Variants in KCNB2 observed in about 807,000 individuals in gnomAD.
KCNB2 encodes potassium voltage-gated channel subfamily B member 2.
KCNB2 carries 15 observed loss-of-function variants against 61.5 expected under a neutral mutation model. The ratio of observed to expected loss-of-function variants is 0.24; its 90% confidence interval spans 0.16 to 0.38. KCNB2 has a LOEUF of 0.38. KCNB2 is among the 10% of genes least tolerant of loss of function. The pLI, the probability that KCNB2 is intolerant of heterozygous loss-of-function variation, is 1.00. For missense variants in KCNB2, 828 were observed against 1,125.2 expected (o/e 0.74, Z 3.78); for synonymous variants, 457 against 446.0 (o/e 1.02, Z -0.31).
intron 2 of KCNB2, among the ~76,000 whole-genome samples, chr8:72,887,452 G>T (rs1165708390): frequency 2.6e-5 from 4 of 152,150 alleles, no homozygotes; most frequent in Non-Finnish European, 5.9e-5. Context: ...GATTTTCTTG[G>T]ATGGCCCAAT....
intron 2 of KCNB2, among the ~76,000 whole-genome samples, chr8:72,917,465 T>C (rs1396827681): frequency 2.0e-5 from 3 of 152,184 alleles, no homozygotes; most frequent in Non-Finnish European, 4.4e-5. Context: ...GTTATTTTAT[T>C]GAAAATTAGA....
At chr8:72,911,037 T>C (rs1195242434) in intron 2 of KCNB2, among the ~76,000 whole-genome samples, 1 of 151,416 alleles carries the variant, frequency 6.6e-6, no homozygotes, top group Non-Finnish European at 1.5e-5. Flanking sequence ...AATGTGTTTA[T>C]TCTGTTCTCA....
At chr8:72,767,632 A>T (rs925079632) in intron 2 of KCNB2, among the ~76,000 whole-genome samples, 1 of 152,186 alleles carries the variant, frequency 6.6e-6, no homozygotes, top group Admixed American at 6.5e-5. Flanking sequence ...TCATCCATTG[A>T]TGGGCATTTG....
rs181433596 is a variant in KCNB2, at chr8:72,726,427, T to C, written c.579+158114T>C. ...AGACCAATATCTAAGAGTAGGAAAT[T>C]GGTTATATAAATGATAGTAAATACA... On this transcript the variant is annotated intron_variant, in intron 2 of 2. Transcript: ENST00000523207. Among the ~76,000 whole-genome samples the C allele has an allele frequency of 4.7e-3, 722 of 152,332 alleles. 3 individuals are homozygous for C. Among genetic ancestry groups the C allele is most frequent in the Non-Finnish European group, 8.0e-3 (547 of 68,026 alleles).
chr8:72,926,895 T>A (rs1303769257), intron 2 of KCNB2, among the ~76,000 whole-genome samples: 1 of 152,240 alleles, frequency 6.6e-6, no homozygotes, highest in Non-Finnish European at 1.5e-5. Flanking sequence ...CAGTAATCTT[T>A]GTGAAATGCA....
At chr8:72,835,137 C>A (rs1454825553) in intron 2 of KCNB2, among the ~76,000 whole-genome samples, 1 of 152,172 alleles carries the variant, frequency 6.6e-6, no homozygotes, top group Admixed American at 6.5e-5. Context: ...AGGACAAATT[C>A]TGACCAAAAC....
intron 2 of KCNB2, among the ~76,000 whole-genome samples, chr8:72,613,995 G>T (rs1490013837): frequency 6.6e-6 from 1 of 152,166 alleles, no homozygotes; most frequent in Non-Finnish European, 1.5e-5. Flanking sequence ...AAATGTGGAC[G>T]ATCTAAATTT....
At chr8:72,626,412 CAG>C (rs1232169704) in intron 2 of KCNB2, among the ~76,000 whole-genome samples, 2 of 152,194 alleles carry the variant, frequency 1.3e-5, no homozygotes, top group African/African-American at 4.8e-5. Context: ...CAATCACACT[CAG>C]AATATATTTG....
intron 2 of KCNB2, among the ~76,000 whole-genome samples, chr8:72,666,707 C>T (rs1177242042): frequency 6.8e-6 from 1 of 147,808 alleles, no homozygotes; most frequent in Non-Finnish European, 1.5e-5. Context: ...GGCTGGAGTG[C>T]AGTGGCGCAA....
At chr8:72,851,826 GAAAAAAA>G (rs55696554) in intron 2 of KCNB2, among the ~76,000 whole-genome samples, 10 of 43,868 alleles carry the variant, frequency 2.3e-4, no homozygotes, top group Admixed American at 1.7e-3. Flanking sequence ...GAAGCTGTAG[GAAAAAAA>G]AAAAAAAAAA....
chr8:72,661,302 A>C (rs1017603561), intron 2 of KCNB2: 1 of 152,214 alleles, frequency 6.6e-6, no homozygotes, highest in Non-Finnish European at 1.5e-5. Flanking sequence ...AGGCTGAGCC[A>C]CTGCGCCTTA....
chr8:72,914,549 T>C (rs2929573), intron 2 of KCNB2, among the ~76,000 whole-genome samples: 89,615 of 151,924 alleles, frequency 0.59, 27,710 homozygotes, highest in Middle Eastern at 0.7. Context: ...AGGTTCCATG[T>C]AGAATTTGGA....
At chr8:72,895,442 G>A (rs184788938) in intron 2 of KCNB2, among the ~76,000 whole-genome samples, 51 of 152,294 alleles carry the variant, frequency 3.3e-4, no homozygotes, top group African/African-American at 9.9e-4. Flanking sequence ...GCAAGGAAAT[G>A]GATTGTCTCC....
At chr8:72,788,889 T>C (rs1219258125) in intron 2 of KCNB2, among the ~76,000 whole-genome samples, 1 of 152,188 alleles carries the variant, frequency 6.6e-6, no homozygotes, top group African/African-American at 2.4e-5. Flanking sequence ...GTCTGAAATT[T>C]CTGGAAAGGG....
chr8:72,806,727 G>A (rs190495295), intron 2 of KCNB2, among the ~76,000 whole-genome samples: 1 of 152,290 alleles, frequency 6.6e-6, no homozygotes, highest in East Asian at 1.9e-4. Flanking sequence ...TGAATGTCCA[G>A]TGTGCACCTG....
chr8:72,778,139 C>G (rs1374365726), intron 2 of KCNB2, among the ~76,000 whole-genome samples: 1 of 152,192 alleles, frequency 6.6e-6, no homozygotes, highest in Non-Finnish European at 1.5e-5. Context: ...CCATATAACA[C>G]TACCATCACT....
intron 2 of KCNB2, among the ~76,000 whole-genome samples, chr8:72,898,979 T>G (rs556495513): frequency 6.6e-6 from 1 of 152,278 alleles, no homozygotes; most frequent in South Asian, 2.1e-4. Context: ...TGATTTCATT[T>G]TGTATGGCTG....
At chr8:72,651,729 T>C (rs1806213563) in intron 2 of KCNB2, among the ~76,000 whole-genome samples, 2 of 152,166 alleles carry the variant, frequency 1.3e-5, no homozygotes. Flanking sequence ...CCAGTAACCT[T>C]ACACTATTAG....
At chr8:72,657,688 C>A (rs1298959907) in intron 2 of KCNB2, among the ~76,000 whole-genome samples, 1 of 151,904 alleles carries the variant, frequency 6.6e-6, no homozygotes, top group Non-Finnish European at 1.5e-5. Context: ...AGAGGAAATT[C>A]GAAATTACTT....
Sources: gnomAD v4.1 joint callset for allele counts (sites outside exome capture counted in the v4.1 genomes callset) on GRCh38, gnomAD v4.1.1 for gene constraint, MANE v1.5 for transcripts, NCBI Gene and HGNC (gene_info 2026-07-23, HGNC 2026-07-21) for gene names.